The following EBF1 variants were observed in gnomAD, a reference collection of about 807,000 sequenced individuals.
EBF1 encodes EBF transcription factor 1.
In EBF1, 10 loss-of-function variants were observed where a neutral mutation model predicts 68.4. The ratio of observed to expected loss-of-function variants is 0.15; its 90% CI spans 0.09 to 0.25. EBF1 has a LOEUF of 0.25. EBF1 is among the 10% of genes least tolerant of loss of function. The probability of loss-of-function intolerance (pLI) is 1.00; values close to 1 mark genes in which losing one functional copy is unlikely to be tolerated. For synonymous variants in EBF1, 298 were observed against 299.8 expected (o/e 0.99, Z 0.06); for missense variants, 509 against 794.4 (o/e 0.64, Z 4.32).
intron 10 of EBF1, among the ~76,000 whole-genome samples, chr5:158,747,050 A>G (rs976958782): frequency 2.6e-5 from 4 of 152,266 alleles, no homozygotes; most frequent in African/African-American, 9.6e-5. Flanking sequence ...TCAGGTAGAG[A>G]GGGGCAAAGG....
At chr5:158,855,251 A>T (rs1399629521) in intron 6 of EBF1, among the ~76,000 whole-genome samples, 1 of 152,256 alleles carries the variant, frequency 6.6e-6, no homozygotes, top group Non-Finnish European at 1.5e-5. Context: ...TTTTAAAAAC[A>T]GGCTATACCT....
At chr5:158,803,487 G>T (rs1237374430) in intron 8 of EBF1, among the ~76,000 whole-genome samples, 1 of 151,620 alleles carries the variant, frequency 6.6e-6, no homozygotes, top group Non-Finnish European at 1.5e-5. Context: ...TTTTCTTCCA[G>T]CTGGAAGACT....
At chr5:158,971,047 G>A (rs1374664258) in intron 6 of EBF1, among the ~76,000 whole-genome samples, 1 of 152,198 alleles carries the variant, frequency 6.6e-6, no homozygotes, top group Non-Finnish European at 1.5e-5. Context: ...GGTGAAGAGG[G>A]AGGGGCAATA....
chr5:158,865,451 T>C (rs1386269773), intron 6 of EBF1, among the ~76,000 whole-genome samples: 2 of 152,150 alleles, frequency 1.3e-5, no homozygotes, highest in Non-Finnish European at 2.9e-5. Flanking sequence ...TTGTGAGAAA[T>C]AAGTAAGAAT....
intron 7 of EBF1, among the ~76,000 whole-genome samples, chr5:158,829,038 G>C (rs1185016292): frequency 3.3e-5 from 5 of 152,230 alleles, no homozygotes; most frequent in Admixed American, 6.5e-5. Flanking sequence ...TGGGAGAAGA[G>C]AGGGAGGAAT....
At chr5:158,734,893 A>G (rs941837075) in intron 10 of EBF1, among the ~76,000 whole-genome samples, 15 of 152,200 alleles carry the variant, frequency 9.9e-5, no homozygotes, top group African/African-American at 3.6e-4. Context: ...CACACTCTGA[A>G]AAGGGTCTGA....
intron 6 of EBF1, among the ~76,000 whole-genome samples, chr5:158,919,028 T>C (rs913220644): frequency 1.4e-4 from 21 of 152,322 alleles, no homozygotes; most frequent in African/African-American, 5.1e-4. Context: ...TGCAAATGGC[T>C]GTTAAAAATC....
intron 1 of EBF1, among the ~76,000 whole-genome samples, chr5:159,098,208 A>G (rs964262417): frequency 6.6e-5 from 10 of 152,210 alleles, no homozygotes; most frequent in South Asian, 4.1e-4. Flanking sequence ...TAATGGGGGG[A>G]AAAAGGCCAT....
At chr5:158,844,881 T>C (rs1222079663) in intron 6 of EBF1, among the ~76,000 whole-genome samples, 2 of 152,160 alleles carry the variant, frequency 1.3e-5, no homozygotes, top group East Asian at 1.9e-4. Context: ...TAGAACAAAA[T>C]TGCTTGTTCA....
chr5:158,774,946 C>T (rs1156824611), intron 10 of EBF1, among the ~76,000 whole-genome samples: 1 of 150,014 alleles, frequency 6.7e-6, no homozygotes, highest in African/African-American at 2.5e-5. Context: ...TTTATTTTTC[C>T]GATATGGGGA....
chr5:159,001,676 G>T (rs967465487), intron 6 of EBF1, among the ~76,000 whole-genome samples: 5 of 152,142 alleles, frequency 3.3e-5, no homozygotes, highest in Non-Finnish European at 7.4e-5. Context: ...AAGTTGTTTA[G>T]ATTTTTAAGG....
intron 6 of EBF1, among the ~76,000 whole-genome samples, chr5:158,967,211 T>G: frequency 6.6e-6 from 1 of 152,210 alleles, no homozygotes; most frequent in Admixed American, 6.5e-5. Flanking sequence ...CATGCAGTAG[T>G]GCAGGAGAGA....
chr5:159,006,334 G>A (rs917216631), intron 6 of EBF1, among the ~76,000 whole-genome samples: 1 of 151,938 alleles, frequency 6.6e-6, no homozygotes, highest in Non-Finnish European at 1.5e-5. Context: ...TATTTAGTGG[G>A]GATGACACCA....
chr5:159,077,328 A>G (rs1436083294), intron 5 of EBF1, among the ~76,000 whole-genome samples: 1 of 152,074 alleles, frequency 6.6e-6, no homozygotes, highest in African/African-American at 2.4e-5. Context: ...GATCCCAGCT[A>G]CTCAGGAGGC....
At chr5:158,777,389 C>T (rs1318130744) in intron 10 of EBF1, 24 bp downstream of exon 10, 6 of 1,595,886 alleles carry the variant, frequency 3.8e-6, no homozygotes, top group Non-Finnish European at 4.3e-6. Context: ...CAGTTCTGTG[C>T]TCACCATGTG....
intron 6 of EBF1, among the ~76,000 whole-genome samples, chr5:159,064,899 C>CTTTTTTTTTTTTTTTTTT (rs57256923): frequency 8.8e-5 from 6 of 67,912 alleles, no homozygotes; most frequent in Non-Finnish European, 1.0e-4. Flanking sequence ...CTCTTTTCAT[C>CTTTTTTTTTTTTTTTTTT]TTTTTTTTTT....
At chr5:158,773,791 G>A (rs1232792939) in intron 10 of EBF1, among the ~76,000 whole-genome samples, 2 of 152,090 alleles carry the variant, frequency 1.3e-5, no homozygotes, top group African/African-American at 2.4e-5. Context: ...TAGCAGGAGA[G>A]ATCACGATTC....
At chr5:158,864,469 A>G (rs745451646) in intron 6 of EBF1, among the ~76,000 whole-genome samples, 19 of 152,160 alleles carry the variant, frequency 1.2e-4, no homozygotes, top group Non-Finnish European at 2.1e-4. Context: ...CACCCAAAGA[A>G]GGGATCCATT....
In EBF1 at chr5:158,949,389, G is replaced by A. The variant is rs1173450876; in HGVS notation, c.555-109279C>T. 3.3e-5 allele frequency among the ~76,000 whole-genome samples: 5 copies of A among 152,130 alleles called. No homozygotes were observed. In the East Asian group the frequency reaches 9.6e-4, roughly 29 times the overall value. On this transcript the variant is annotated intron_variant, in intron 6 of 15. Transcript: ENST00000313708. The stretch of plus-strand genomic sequence containing the variant: ...CACATCTGTAATCCCAAGCACTTTG[G>A]GAGGTAAAGATGGGAGGATTGCTTG...
Sources: allele counts gnomAD v4.1 joint callset (sites outside exome capture counted in the v4.1 genomes callset), GRCh38; gene constraint gnomAD v4.1.1; transcripts MANE v1.5; gene names NCBI Gene and HGNC (gene_info 2026-07-23, HGNC 2026-07-21).